Variants in INPP5F observed in about 807,000 individuals in gnomAD.
INPP5F encodes the protein phosphatidylinositide 4-phosphatase SAC2.
Under a neutral mutation model 137.2 loss-of-function variants are expected in INPP5F, and 97 were observed. The ratio of observed to expected loss-of-function variants is 0.71; its 90% CI spans 0.60 to 0.84. The LOEUF is 0.84. INPP5F is among the 40% of genes least tolerant of loss of function. INPP5F has a pLI of 0.00. For missense variants in INPP5F, 1,271 were observed against 1,371.9 expected (o/e 0.93, Z 1.16); for synonymous variants, 504 against 476.9 (o/e 1.06, Z -0.74).
At chr10:119,771,868 A>G (rs1589697387) in intron 2 of INPP5F, among the ~76,000 whole-genome samples, 2 of 14,310 alleles carry the variant, frequency 1.4e-4, no homozygotes, top group Non-Finnish European at 3.0e-4. Context: ...ATATATATAT[A>G]TATATATATA....
intron 1 of INPP5F, among the ~76,000 whole-genome samples, chr10:119,735,260 AT>A (rs1010748544): frequency 6.6e-6 from 1 of 151,950 alleles, no homozygotes; most frequent in African/African-American, 2.4e-5. Flanking sequence ...GTTCCCTGAT[AT>A]TTTTTTCTTT....
chr10:119,810,060 G>T (rs777455271), intron 13 of INPP5F, 40 bp from the exon 14 acceptor site: 4 of 1,126,862 alleles, frequency 3.5e-6, no homozygotes, highest in African/African-American at 1.5e-5. Flanking sequence ...GGGCATTCTT[G>T]TGTTTAAATA....
chr10:119,786,816 G>A (rs546002344), intron 3 of INPP5F, among the ~76,000 whole-genome samples: 12 of 152,118 alleles, frequency 7.9e-5, no homozygotes, highest in Admixed American at 5.2e-4. Context: ...CCCTGCACCT[G>A]GCCAGTAATT....
Position 119,822,502 on chromosome 10 carries a change from T to C in INPP5F, c.2030T>C (p.Ile677Thr), listed in dbSNP as rs1182162150. The change falls in exon 17 of 20, where the codon ATA (isoleucine) becomes ACA (threonine). Residue 677 changes from isoleucine to threonine, a missense_variant and splice_region_variant. Ile to Thr is a moderately conservative substitution (Grantham distance 89). Around this residue, in one of 6 missense-constraint regions of INPP5F, gnomAD observed 593 missense variants for 712.4 expected, o/e 0.83. Transcript: ENST00000650623. ...CTAGAAAACCTGGAAAAAATTGAAATAGGTAAGTTTTAACATACTAATCAA... is the reference window on the plus strand; with the variant it reads ...CTAGAAAACCTGGAAAAAATTGAAACAGGTAAGTTTTAACATACTAATCAA... ...LSLENLEKIE[I>T]GPEPTLFGKP... 10 of 1,455,748 alleles carry C rather than the reference T, an allele frequency of 6.9e-6. No homozygotes were observed. Among genetic ancestry groups the C allele is most frequent in the Non-Finnish European group, 8.5e-6 (9 of 1,054,322 alleles). 90.2% of individuals were successfully genotyped at this position (1,455,748 alleles called of 1,614,324 possible). A position where few individuals can be genotyped will look rare whatever the true frequency, so the allele number is the denominator to read the frequency against.
Position 119,792,225 on chromosome 10 carries a change from T to A in INPP5F, c.669+12T>A, listed in dbSNP as rs1279897625. The stretch of plus-strand genomic sequence containing the variant: ...TTACTGAGATTGGTGTGAGTAGTTG[T>A]TTCTAAAATTTCCTAACCGTAATGA... On this transcript the variant is annotated intron_variant, in intron 6 of 19. Coordinates refer to ENST00000650623, the MANE Select transcript of INPP5F (RefSeq NM_014937.4). The A allele has an allele frequency of 2.5e-6, 4 of 1,583,992 alleles. No individual in the cohort carries two copies. The highest frequency in any genetic ancestry group is 3.5e-6 in the Non-Finnish European group (4 of 1,154,272).
intron 11 of INPP5F, among the ~76,000 whole-genome samples, chr10:119,805,780 A>G (rs1850757453): frequency 1.3e-5 from 2 of 152,224 alleles, no homozygotes; most frequent in South Asian, 2.1e-4. Flanking sequence ...TAACACAGGA[A>G]GGAAGTCTTA....
At chr10:119,773,806 A>G (rs1469670031) in intron 2 of INPP5F, among the ~76,000 whole-genome samples, 1 of 152,156 alleles carries the variant, frequency 6.6e-6, no homozygotes, top group Non-Finnish European at 1.5e-5. Context: ...GAGCTCAATC[A>G]GTCCTCTTGC....
chr10:119,801,095 T>C (rs537595867), intron 9 of INPP5F, among the ~76,000 whole-genome samples: 3 of 152,160 alleles, frequency 2.0e-5, no homozygotes, highest in African/African-American at 7.2e-5. Flanking sequence ...CATTGCAGCA[T>C]AGAAACAACC....
At chr10:119,817,439 C>T (rs1290780294) in intron 15 of INPP5F, among the ~76,000 whole-genome samples, 1 of 152,226 alleles carries the variant, frequency 6.6e-6, no homozygotes, top group Non-Finnish European at 1.5e-5. Flanking sequence ...ACGTTTCCAC[C>T]AGCAATGTAT....
At chr10:119,793,137 A>G (rs1850207219) in intron 6 of INPP5F, among the ~76,000 whole-genome samples, 1 of 152,212 alleles carries the variant, frequency 6.6e-6, no homozygotes, top group Non-Finnish European at 1.5e-5. Flanking sequence ...GTGTGCTGAC[A>G]ATATCGAGCT....
intron 9 of INPP5F, 78 bp from the exon 10 acceptor site, chr10:119,804,095 C>G (rs1850683815): frequency 2.0e-6 from 2 of 1,021,894 alleles, no homozygotes; most frequent in Non-Finnish European, 2.8e-6. Flanking sequence ...CACTGTGATT[C>G]TAACATCTAA....
In INPP5F at chr10:119,748,508, G is replaced by A. The variant is rs927052543; in HGVS notation, c.98-2568G>A. 3.7e-4 allele frequency among the ~76,000 whole-genome samples: 57 copies of A among 152,268 alleles called. No individual in the cohort carries two copies. Among genetic ancestry groups the A allele is most frequent in the Middle Eastern group, 6.8e-3 (2 of 294 alleles). On this transcript the variant is annotated intron_variant, in intron 1 of 19. Transcript: ENST00000650623. This position sits in a 1 kb window ranked among gnomAD's most constrained non-coding sequence, Gnocchi z 4.7. Reference sequence around the variant, plus strand: ...GAAGAATGAGGTATGCAAGGTATGTGGACAACTGGAGGGGGAGCAAGGCAG... The same window carrying A: ...GAAGAATGAGGTATGCAAGGTATGTAGACAACTGGAGGGGGAGCAAGGCAG...
At chr10:119,743,697 T>C (rs1329082843) in intron 1 of INPP5F, among the ~76,000 whole-genome samples, 2 of 152,000 alleles carry the variant, frequency 1.3e-5, no homozygotes, top group Admixed American at 1.3e-4. Context: ...ATGCAGGGTC[T>C]CACAAGCCTT....
At position 119,827,866 on chromosome 10, in the gene INPP5F, A is replaced by G; in HGVS notation, c.*86A>G. The G allele has an allele frequency of 1.0e-6, 1 of 1,000,668 alleles. No individual in the cohort carries two copies. Among genetic ancestry groups the G allele is most frequent in the Non-Finnish European group, 1.5e-6 (1 of 681,440 alleles). 62.0% of individuals were successfully genotyped at this position (1,000,668 alleles called of 1,614,324 possible). A position where few individuals can be genotyped will look rare whatever the true frequency, so the allele number is the denominator to read the frequency against. On this transcript the variant is annotated 3_prime_UTR_variant, in exon 20 of 20. Transcript: ENST00000650623. ...GGGGTATTTTAATTGTACTGTCTGA[A>G]CCCAGGGATCACAAATTCTGTTCAT...
At chr10:119,755,353 G>A (rs1444448207) in intron 2 of INPP5F, among the ~76,000 whole-genome samples, 2 of 152,144 alleles carry the variant, frequency 1.3e-5, no homozygotes, top group Non-Finnish European at 2.9e-5. Context: ...GTGTCTTCAC[G>A]TGGTCTTCCC....
chr10:119,827,331 G>A lies in INPP5F; in HGVS notation c.2950G>A (p.Ala984Thr). The change falls in exon 20 of 20, where the codon GCT becomes ACT. Residue 984 changes from alanine to threonine, a missense_variant. Physicochemically the swap from Ala to Thr is moderately conservative, Grantham distance 58. Coordinates refer to ENST00000650623, the MANE Select transcript of INPP5F (RefSeq NM_014937.4). ...AGAGACCAGATCTGTGTCTCAGCAGGCTAGTCAGGAAAGAAATCAAATGAC... is the reference window on the plus strand; with the variant it reads ...AGAGACCAGATCTGTGTCTCAGCAGACTAGTCAGGAAAGAAATCAAATGAC... ...LSETRSVSQQASQERNQMTNQ... is the reference protein window; with the variant it reads ...LSETRSVSQQTSQERNQMTNQ... 6.2e-7 allele frequency: 1 copy of A among 1,614,178 alleles called. No individual in the cohort carries two copies. The highest frequency in any genetic ancestry group is 1.1e-5 in the South Asian group (1 of 91,084).
At position 119,756,199 on chromosome 10, in the gene INPP5F, T is replaced by A. The variant is rs532549247; in HGVS notation, c.178+5043T>A. 1.4e-4 allele frequency among the ~76,000 whole-genome samples: 21 copies of A among 151,934 alleles called. No homozygotes were observed. In the South Asian group the frequency reaches 4.2e-3, roughly 30 times the overall value. ...AAACAAAAATTCAATATATGCTGAT[T>A]ACTATTTTTTTTCCCTCTTAAAGAT... On this transcript the variant is annotated intron_variant, in intron 2 of 19. Transcript: ENST00000650623.
intron 2 of INPP5F, among the ~76,000 whole-genome samples, chr10:119,761,558 G>C (rs150855547): frequency 6.6e-6 from 1 of 150,448 alleles, no homozygotes; most frequent in African/African-American, 2.4e-5. Flanking sequence ...CATTAGGGGG[G>C]ACAAAACATT....
chr10:119,823,394 A>C (rs1342076357), intron 18 of INPP5F, among the ~76,000 whole-genome samples, 195 bp downstream of exon 18: 1 of 152,230 alleles, frequency 6.6e-6, no homozygotes, highest in Non-Finnish European at 1.5e-5. Context: ...TGTATTATTT[A>C]GTCTGGGGCA....
Sources: allele counts gnomAD v4.1 joint callset (sites outside exome capture counted in the v4.1 genomes callset), GRCh38; gene constraint gnomAD v4.1.1; regional missense constraint gnomAD v4.1.1; non-coding constraint Gnocchi (gnomAD v3.1); transcripts MANE v1.5; gene names NCBI Gene and HGNC (gene_info 2026-07-23, HGNC 2026-07-21).